SNTG1: variants seen among roughly 807,000 people sequenced by gnomAD.
SNTG1 encodes gamma-1-syntrophin.
In SNTG1, 39 loss-of-function variants were observed where a neutral mutation model predicts 74.7. That is an observed-to-expected ratio of 0.52 (90% CI 0.40 to 0.68). The LOEUF is 0.68. SNTG1 is among the 30% of genes least tolerant of loss of function. SNTG1 has a pLI of 0.00. For synonymous variants in SNTG1, 254 were observed against 217.1 expected (o/e 1.17, Z -1.49); for missense variants, 685 against 609.5 (o/e 1.12, Z -1.30).
chr8:50,392,029 T>G (rs1475122160), intron 2 of SNTG1, among the ~76,000 whole-genome samples: 1 of 152,098 alleles, frequency 6.6e-6, no homozygotes, highest in Non-Finnish European at 1.5e-5. Context: ...GGACTACATG[T>G]AATGACGTGC....
chr8:49,997,981 A>G (rs954072151), intron 1 of SNTG1, among the ~76,000 whole-genome samples: 4 of 152,200 alleles, frequency 2.6e-5, no homozygotes, highest in African/African-American at 7.2e-5. Flanking sequence ...TGAACATAAT[A>G]GAGGATACTT....
At chr8:50,779,030 T>G (rs2095650077) in intron 18 of SNTG1, among the ~76,000 whole-genome samples, 1 of 152,164 alleles carries the variant, frequency 6.6e-6, no homozygotes, top group Non-Finnish European at 1.5e-5. Context: ...CGGCGTTATT[T>G]CTGAGGGCTC....
intron 1 of SNTG1, among the ~76,000 whole-genome samples, chr8:50,007,869 G>A (rs755594976): frequency 2.0e-5 from 3 of 152,142 alleles, no homozygotes; most frequent in Non-Finnish European, 4.4e-5. Flanking sequence ...GAGACCTCAG[G>A]AAACTTACAA....
intron 4 of SNTG1, among the ~76,000 whole-genome samples, chr8:50,424,126 G>A (rs1013908742): frequency 1.3e-5 from 2 of 152,048 alleles, no homozygotes. Flanking sequence ...CAAAGGTTCC[G>A]GGAATGTGCT....
At chr8:49,938,603 T>TTTTTTTTTTTTTCTTTTC (rs1554524905) in intron 1 of SNTG1, among the ~76,000 whole-genome samples, 2 of 74,754 alleles carry the variant, frequency 2.7e-5, no homozygotes, top group African/African-American at 9.1e-5. Flanking sequence ...TTTTCTTTTC[T>TTTTTTTTTTTTTCTTTTC]TTTCTTTCTT....
intron 2 of SNTG1, among the ~76,000 whole-genome samples, chr8:50,208,131 C>A (rs1245290945): frequency 6.6e-6 from 1 of 152,166 alleles, no homozygotes; most frequent in African/African-American, 2.4e-5. Flanking sequence ...TCTTAACTTT[C>A]TGTCTCGTCG....
intron 2 of SNTG1, among the ~76,000 whole-genome samples, chr8:50,231,565 C>T (rs2085628524): frequency 6.6e-6 from 1 of 151,192 alleles, no homozygotes. Flanking sequence ...AAATGAAGTT[C>T]TGTTGTTTGT....
intron 2 of SNTG1, among the ~76,000 whole-genome samples, chr8:50,279,643 C>CT (rs1263203171): frequency 6.6e-6 from 1 of 152,008 alleles, no homozygotes; most frequent in Admixed American, 6.6e-5. Context: ...AATAGATTAA[C>CT]AAGAGAAAAT....
chr8:50,417,593 G>GA (rs1424491304), intron 4 of SNTG1, among the ~76,000 whole-genome samples: 3 of 151,958 alleles, frequency 2.0e-5, no homozygotes, highest in Non-Finnish European at 2.9e-5. Flanking sequence ...CACCTTTCAT[G>GA]AACTACTACA....
At chr8:50,525,022 A>G (rs187601975) in intron 9 of SNTG1, among the ~76,000 whole-genome samples, 11 of 152,006 alleles carry the variant, frequency 7.2e-5, no homozygotes, top group Non-Finnish European at 1.5e-4. Context: ...TTTTACTTCA[A>G]TTTGAAGAAT....
chr8:50,711,786 T>C (rs1585615199), intron 17 of SNTG1, among the ~76,000 whole-genome samples: 2 of 152,328 alleles, frequency 1.3e-5, no homozygotes, highest in South Asian at 4.1e-4. Flanking sequence ...AGGTGATACA[T>C]TCTTCAGTTC....
At chr8:50,349,927 G>A (rs540331316) in intron 2 of SNTG1, among the ~76,000 whole-genome samples, 21 of 152,236 alleles carry the variant, frequency 1.4e-4, no homozygotes, top group South Asian at 1.2e-3. Context: ...AGTGAGAGGC[G>A]CGAGCCGGAA....
intron 1 of SNTG1, among the ~76,000 whole-genome samples, chr8:50,165,747 A>G (rs2082592042): frequency 6.6e-6 from 1 of 152,188 alleles, no homozygotes; most frequent in South Asian, 2.1e-4. Context: ...AAAGATCGAG[A>G]TATATGTTGA....
intron 17 of SNTG1, among the ~76,000 whole-genome samples, chr8:50,749,753 T>C (rs2095563029): frequency 6.6e-6 from 1 of 152,032 alleles, no homozygotes; most frequent in Non-Finnish European, 1.5e-5. Context: ...GTTTACTGAA[T>C]ATGTTAAGTC....
rs536540496 is a variant in SNTG1, at chr8:49,918,025, G to A, written c.-103+5794G>A. The stretch of plus-strand genomic sequence containing the variant: ...ATGCTAGATTCCACACATAGCTGCC[G>A]AACCTTTTCGTTTCCCATTTCAATG... On this transcript the variant is annotated intron_variant, in intron 1 of 18. Coordinates refer to ENST00000642720, the MANE Select transcript of SNTG1 (RefSeq NM_018967.5). Among the ~76,000 whole-genome samples the A allele has an allele frequency of 7.2e-5, 11 of 152,162 alleles. No individual in the cohort carries two copies. In the South Asian group the frequency reaches 8.3e-4, roughly 12 times the overall value.
At chr8:50,087,781 T>C (rs1823037779) in intron 1 of SNTG1, among the ~76,000 whole-genome samples, 1 of 147,446 alleles carries the variant, frequency 6.8e-6, no homozygotes, top group African/African-American at 2.4e-5. Flanking sequence ...TATTTTTTAT[T>C]TATTTATTTT....
At chr8:50,139,719 A>C (rs748163367) in intron 1 of SNTG1, among the ~76,000 whole-genome samples, 6 of 152,180 alleles carry the variant, frequency 3.9e-5, no homozygotes, top group Non-Finnish European at 5.9e-5. Context: ...ATCTTAATGC[A>C]CTCCACGGTT....
At chr8:50,761,002 A>C (rs2095597122) in intron 18 of SNTG1, among the ~76,000 whole-genome samples, 1 of 152,002 alleles carries the variant, frequency 6.6e-6, no homozygotes, top group Non-Finnish European at 1.5e-5. Context: ...AAAAAGAGGG[A>C]ATCCTCCCTA....
intron 1 of SNTG1, among the ~76,000 whole-genome samples, chr8:50,055,119 C>G (rs1350621859): frequency 6.6e-6 from 1 of 152,134 alleles, no homozygotes; most frequent in Non-Finnish European, 1.5e-5. Flanking sequence ...CCCACACTAA[C>G]CTCAACTGCT....
Sources: allele counts gnomAD v4.1 joint callset (sites outside exome capture counted in the v4.1 genomes callset), GRCh38; gene constraint gnomAD v4.1.1; transcripts MANE v1.5; gene names NCBI Gene and HGNC (gene_info 2026-07-23, HGNC 2026-07-21).